PAX2: variants seen among roughly 807,000 people sequenced by gnomAD.
PAX2 encodes the protein paired box protein Pax-2.
PAX2 carries 9 observed loss-of-function variants against 41.7 expected under a neutral mutation model. The ratio of observed to expected loss-of-function variants is 0.22; its 90% CI spans 0.13 to 0.38. PAX2 has a LOEUF of 0.38. PAX2 is among the 10% of genes least tolerant of loss of function. The pLI is 1.00. For synonymous variants in PAX2, 221 were observed against 212.7 expected, an observed-to-expected ratio of 1.04 and a Z score of -0.34; for missense variants, 418 against 531.6, an observed-to-expected ratio of 0.79 and a Z score of 2.10.
At chr10:100,780,894 G>A (rs1349292573) in intron 4 of PAX2, among the ~76,000 whole-genome samples, 1 of 152,194 alleles carries the variant, frequency 6.6e-6, no homozygotes, top group Non-Finnish European at 1.5e-5. Flanking sequence ...GACCATGGAG[G>A]TGCTGCCTAG....
At chr10:100,775,074 C>T (rs1372713200) in intron 3 of PAX2, among the ~76,000 whole-genome samples, 3 of 152,056 alleles carry the variant, frequency 2.0e-5, no homozygotes, top group African/African-American at 4.8e-5. Flanking sequence ...GGAAAAATGA[C>T]ACCTCCCAGC....
chr10:100,796,207 AC>A (rs1847329900), intron 5 of PAX2, among the ~76,000 whole-genome samples: 1 of 152,232 alleles, frequency 6.6e-6, no homozygotes, highest in South Asian at 2.1e-4. Flanking sequence ...CAATGTCGTC[AC>A]CAGGAGATAA....
At chr10:100,780,242 C>T (rs542319400) in intron 4 of PAX2, among the ~76,000 whole-genome samples, 4 of 152,190 alleles carry the variant, frequency 2.6e-5, no homozygotes, top group African/African-American at 9.6e-5. Flanking sequence ...TTGAGCCATG[C>T]TTAGGGCCTC....
In PAX2 at chr10:100,746,204, A is replaced by C; in HGVS notation, c.-57A>C. ...CTTTTCTCCTCAAGTCCTGAAGTTG[A>C]GTTTGAGAGGCGACACGGCGGCGGC... is the stretch of plus-strand genomic sequence containing the variant. On this transcript the variant is annotated 5_prime_UTR_variant, in exon 1 of 10. Coordinates refer to ENST00000355243, the MANE Select transcript of PAX2 (RefSeq NM_000278.5). 2 of 1,557,562 alleles carry C rather than the reference A, an allele frequency of 1.3e-6. No individual in the cohort carries two copies. The highest frequency in any genetic ancestry group is 2.2e-5 in the South Asian group (2 of 90,468).
intron 3 of PAX2, among the ~76,000 whole-genome samples, chr10:100,779,150 C>T (rs1469925761): frequency 6.6e-6 from 1 of 152,184 alleles, no homozygotes; most frequent in Non-Finnish European, 1.5e-5. Flanking sequence ...AGGTGGACAA[C>T]AAGCCACTAG....
chr10:100,821,735 A>G (rs1445124916), intron 7 of PAX2, among the ~76,000 whole-genome samples: 1 of 152,232 alleles, frequency 6.6e-6, no homozygotes, highest in Non-Finnish European at 1.5e-5. Flanking sequence ...ATTATAAGGA[A>G]TTCATGGTGA....
At chr10:100,807,853 T>C (rs1847849007) in intron 6 of PAX2, among the ~76,000 whole-genome samples, 1 of 152,202 alleles carries the variant, frequency 6.6e-6, no homozygotes, top group African/African-American at 2.4e-5. Context: ...GTAGTTCCAC[T>C]CTTAAGACTC....
chr10:100,786,861 G>T, intron 5 of PAX2: 1 of 803,992 alleles, frequency 1.2e-6, no homozygotes, highest in Non-Finnish European at 2.0e-6. Flanking sequence ...CTGGTCTCCC[G>T]ATCTTGGGAT....
At chr10:100,773,623 C>T (rs532161267) in intron 3 of PAX2, among the ~76,000 whole-genome samples, 2 of 152,186 alleles carry the variant, frequency 1.3e-5, no homozygotes, top group African/African-American at 4.8e-5. Context: ...AAAAAGTTCC[C>T]GGTCTGCCTG....
intron 3 of PAX2, among the ~76,000 whole-genome samples, chr10:100,775,814 T>C (rs1179251758): frequency 3.3e-5 from 5 of 152,248 alleles, no homozygotes; most frequent in South Asian, 2.1e-4. Flanking sequence ...TTCTTGTAGA[T>C]GATTGTACAC....
intron 1 of PAX2, among the ~76,000 whole-genome samples, chr10:100,737,592 G>T (rs1844820017): frequency 6.6e-6 from 1 of 152,368 alleles, no homozygotes; most frequent in East Asian, 1.9e-4. Flanking sequence ...TTGGGAAAAG[G>T]AAACCGCACT....
At chr10:100,820,676 T>C (rs1848350925) in intron 7 of PAX2, among the ~76,000 whole-genome samples, 1 of 152,228 alleles carries the variant, frequency 6.6e-6, no homozygotes, top group Non-Finnish European at 1.5e-5. Context: ...ATCGCACCAC[T>C]GCATTCCAGC....
chr10:100,742,007 T>A (rs1231376043), upstream of PAX2, among the ~76,000 whole-genome samples: 7 of 152,086 alleles, frequency 4.6e-5, no homozygotes, highest in Non-Finnish European at 7.4e-5. Context: ...GCGGCTGGGA[T>A]GCTCCCGCGG....
At chr10:100,821,441 G>A (rs1047613005) in intron 7 of PAX2, among the ~76,000 whole-genome samples, 6 of 152,136 alleles carry the variant, frequency 3.9e-5, no homozygotes, top group African/African-American at 1.4e-4. Flanking sequence ...CCTTGTCTTG[G>A]GACTCTTCTT....
intron 5 of PAX2, among the ~76,000 whole-genome samples, chr10:100,790,050 A>G (rs1279097396): frequency 6.6e-6 from 1 of 152,260 alleles, no homozygotes; most frequent in East Asian, 1.9e-4. Flanking sequence ...CCTTTATATC[A>G]GAGACAGCAG....
intron 3 of PAX2, among the ~76,000 whole-genome samples, chr10:100,763,410 T>G (rs935744392): frequency 6.6e-6 from 1 of 152,202 alleles, no homozygotes; most frequent in African/African-American, 2.4e-5. Context: ...AGAAAAATAT[T>G]CCAGGAAACA....
intron 5 of PAX2, among the ~76,000 whole-genome samples, chr10:100,788,133 C>T (rs1846947163): frequency 1.3e-5 from 2 of 152,186 alleles, no homozygotes; most frequent in South Asian, 4.1e-4. Flanking sequence ...CATGGATGTG[C>T]AAGCAATTGA....
intron 5 of PAX2, among the ~76,000 whole-genome samples, chr10:100,803,489 G>A (rs60349629): frequency 1.3e-5 from 2 of 151,874 alleles, no homozygotes; most frequent in African/African-American, 2.4e-5. Context: ...CCTATGGTAC[G>A]TGTGGTGTAT....
chr10:100,763,965 G>A (rs1243849558), intron 3 of PAX2, among the ~76,000 whole-genome samples: 1 of 149,446 alleles, frequency 6.7e-6, no homozygotes, highest in Non-Finnish European at 1.5e-5. Flanking sequence ...TTTTCATGAG[G>A]GTTAAATGAG....
Sources: allele counts gnomAD v4.1 joint callset (sites outside exome capture counted in the v4.1 genomes callset), GRCh38; gene constraint gnomAD v4.1.1; transcripts MANE v1.5; gene names NCBI Gene and HGNC (gene_info 2026-07-23, HGNC 2026-07-21).